Variants in NSD1 observed in about 807,000 individuals in gnomAD.
NSD1 encodes the protein nuclear receptor binding SET domain protein 1.
Under a neutral mutation model 242.7 loss-of-function variants are expected in NSD1, and 26 were observed. That is an observed-to-expected ratio of 0.11 (90% CI 0.08 to 0.15). The LOEUF (loss-of-function observed/expected upper bound fraction) is 0.15, where lower values mean the gene tolerates loss of function less well. Ranked by LOEUF, NSD1 falls within the 10% of genes least tolerant of loss-of-function variation. The pLI, the probability that NSD1 is intolerant of heterozygous loss-of-function variation, is 1.00. For missense variants in NSD1, 2,495 were observed against 3,272.8 expected, an observed-to-expected ratio of 0.76 and a Z score of 5.80; for synonymous variants, 1,106 against 1,178.1, an observed-to-expected ratio of 0.94 and a Z score of 1.25.
chr5:177,133,688 G>A (rs1404910845), upstream of NSD1: 1 of 148,970 alleles, frequency 6.7e-6, no homozygotes, highest in African/African-American at 2.4e-5. This position sits in a 1 kb window ranked among gnomAD's most constrained non-coding sequence, Gnocchi z 6.2. Context: ...CGCGCACTCG[G>A]GGCCCAGCCG....
At chr5:177,260,260 C>T in intron 14 of NSD1, 92 bp downstream of exon 14, 5 of 1,222,700 alleles carry the variant, frequency 4.1e-6, no homozygotes, top group Non-Finnish European at 5.8e-6. Context: ...CATATTGCCA[C>T]TGGAAAAAAT....
At chr5:177,176,425 CT>C (rs537202358) in intron 2 of NSD1, among the ~76,000 whole-genome samples, 294 of 138,258 alleles carry the variant, frequency 2.1e-3, no homozygotes, top group Middle Eastern at 3.8e-3. Flanking sequence ...CCTGGCTATT[CT>C]TTTTTTTTTT....
At chr5:177,145,639 G>A (rs565309333) in intron 2 of NSD1, among the ~76,000 whole-genome samples, 3 of 152,226 alleles carry the variant, frequency 2.0e-5, no homozygotes, top group Admixed American at 1.3e-4. Flanking sequence ...CAGGCTGGGC[G>A]TGGTGGCTCA....
chr5:177,186,193 A>AGG (rs1165090388), intron 2 of NSD1, among the ~76,000 whole-genome samples: 1 of 143,416 alleles, frequency 7.0e-6, no homozygotes, highest in South Asian at 2.1e-4. Context: ...TGGGAGCCTG[A>AGG]GGGGGAAGGA....
chr5:177,289,984 T>C lies in NSD1; in HGVS notation c.6258+1059T>C, dbSNP rs532447902. 1.3e-3 allele frequency among the ~76,000 whole-genome samples: 195 copies of C among 151,538 alleles called. 1 individual carries two copies. Among genetic ancestry groups the C allele is most frequent in the Non-Finnish European group, 1.1e-3 (74 of 67,858 alleles). On this transcript the variant is annotated intron_variant, in intron 21 of 22. Coordinates refer to ENST00000439151, the MANE Select transcript of NSD1 (RefSeq NM_022455.5). ...CTGGAACTACAGGCGCCCGCCACCATGCCCGGCTAATTTTTTATATTTTTA... is the reference window on the plus strand; with the variant it reads ...CTGGAACTACAGGCGCCCGCCACCACGCCCGGCTAATTTTTTATATTTTTA...
intron 3 of NSD1, among the ~76,000 whole-genome samples, chr5:177,192,273 C>G (rs777339231): frequency 2.6e-5 from 4 of 151,534 alleles, no homozygotes; most frequent in Non-Finnish European, 4.4e-5. Context: ...TGTAGTGGTG[C>G]AATCTCAGCT....
intron 5 of NSD1, among the ~76,000 whole-genome samples, chr5:177,230,914 A>G (rs1345761708): frequency 6.6e-6 from 1 of 151,934 alleles, no homozygotes; most frequent in Non-Finnish European, 1.5e-5. Flanking sequence ...TAGGATTGAG[A>G]TCCAATTTGT....
At chr5:177,167,395 C>T (rs1176289670) in intron 2 of NSD1, among the ~76,000 whole-genome samples, 17 of 152,142 alleles carry the variant, frequency 1.1e-4, no homozygotes, top group African/African-American at 4.1e-4. Flanking sequence ...ATTAGCCAGG[C>T]TTGGTGGCGC....
In NSD1 at chr5:177,295,525, T is replaced by C; in HGVS notation, c.*66T>C. On this transcript the variant is annotated 3_prime_UTR_variant, in exon 23 of 23. Coordinates refer to ENST00000439151, the MANE Select transcript of NSD1 (RefSeq NM_022455.5). The surrounding 1 kb of genome is among the most constrained non-coding windows in gnomAD (Gnocchi z 4.3). ...GTACCATTTGGGGAGGGGAAATCTT[T>C]TCTTTCTTTCCCCCTTAAAAAAAAA... 6.7e-7 allele frequency: 1 copy of C among 1,499,578 alleles called. No homozygotes were observed. 92.9% of individuals were successfully genotyped at this position (1,499,578 alleles called of 1,614,324 possible).
intron 2 of NSD1, among the ~76,000 whole-genome samples, chr5:177,139,292 C>T (rs542288869): frequency 5.4e-4 from 81 of 149,470 alleles, no homozygotes; most frequent in Non-Finnish European, 1.0e-3. Flanking sequence ...GGTGAAACCC[C>T]GTCTCTACTA....
intron 3 of NSD1, among the ~76,000 whole-genome samples, chr5:177,198,439 C>T (rs1762265581): frequency 6.6e-6 from 1 of 152,060 alleles, no homozygotes; most frequent in African/African-American, 2.4e-5. Context: ...GTTGCTGTGT[C>T]GTCATTTGGC....
intron 2 of NSD1, 127 bp downstream of exon 2, chr5:177,136,157 C>A: frequency 1.2e-6 from 1 of 836,104 alleles, no homozygotes; most frequent in South Asian, 1.6e-5. Flanking sequence ...TATTGCTAAT[C>A]ATAAGCTTTG....
At chr5:177,141,319 CTTTTTTTTTTTTTTTT>C (rs567992731) in intron 2 of NSD1, among the ~76,000 whole-genome samples, 4 of 97,034 alleles carry the variant, frequency 4.1e-5, no homozygotes, top group South Asian at 3.1e-4. Context: ...CGCGCGCAGC[CTTTTTTTTTTTTTTTT>C]TTTTTTTTTT....
chr5:177,235,024 C>G (rs889408214), intron 5 of NSD1, among the ~76,000 whole-genome samples: 3 of 152,156 alleles, frequency 2.0e-5, no homozygotes, highest in African/African-American at 7.2e-5. Context: ...CTTAGCTACC[C>G]TGAACACACA....
At chr5:177,149,260 C>T (rs370295172) in intron 2 of NSD1, among the ~76,000 whole-genome samples, 1 of 151,888 alleles carries the variant, frequency 6.6e-6, no homozygotes, top group East Asian at 1.9e-4. Context: ...CTCTTGTTGC[C>T]CAGACTGGAG....
chr5:177,213,550 C>T (rs1340905906), intron 5 of NSD1, among the ~76,000 whole-genome samples: 4 of 152,178 alleles, frequency 2.6e-5, no homozygotes, highest in Admixed American at 2.0e-4. Flanking sequence ...TCACTGCAGG[C>T]TCCGCCTCCC....
intron 2 of NSD1, among the ~76,000 whole-genome samples, chr5:177,146,391 A>C: frequency 6.6e-6 from 1 of 151,616 alleles, no homozygotes; most frequent in South Asian, 2.1e-4. Flanking sequence ...TTTTTAGTAG[A>C]GACGGTGTTT....
In NSD1 at chr5:177,211,998, G is replaced by A. The variant is rs753389957; in HGVS notation, c.3599G>A (p.Arg1200Gln). The change falls in exon 5 of 23, where the codon CGG becomes CAG. Residue 1200 changes from arginine (R) to glutamine (Q), a missense_variant. By Grantham distance (43) the Arg-to-Gln change is conservative. This residue lies in a region of NSD1 where 426 missense variants were observed against 411.4 expected (regional missense o/e 1.04). Transcript: ENST00000439151. Reference sequence around the variant, plus strand: ...CCTAGTGACCCTGTGCAGGAGGGGCGGGATGAGTTTCCAGAGCATAGAACT... The same window carrying A: ...CCTAGTGACCCTGTGCAGGAGGGGCAGGATGAGTTTCCAGAGCATAGAACT... Reference protein sequence around the residue: ...LLPSDPVQEGRDEFPEHRTPS... With the variant: ...LLPSDPVQEGQDEFPEHRTPS... 1.3e-5 allele frequency: 21 copies of A among 1,613,638 alleles called. No individual in the cohort carries two copies. The highest frequency in any genetic ancestry group is 2.2e-5 in the South Asian group (2 of 91,074).
Position 177,244,212 on chromosome 5 carries a change from C to T in NSD1, c.4320C>T (p.His1440=). The T allele has an allele frequency of 1.9e-6, 3 of 1,613,066 alleles. No homozygotes were observed. The highest frequency in any genetic ancestry group is 2.5e-6 in the Non-Finnish European group (3 of 1,179,352). ...ATTTATAGTGCTATGAAGCTGGTCA[C>T]CTGGAGAATGGCATAACTGAATCTT... ...GLSKKCYEAG[H]LENGITESCA... Residue 1440 remains histidine, a synonymous_variant, in exon 9 of 23, where the codon CAC becomes CAT. Coordinates refer to ENST00000439151, the MANE Select transcript of NSD1 (RefSeq NM_022455.5).
Sources: gnomAD v4.1 joint callset for allele counts (sites outside exome capture counted in the v4.1 genomes callset) on GRCh38, gnomAD v4.1.1 for gene constraint, gnomAD v4.1.1 regional missense constraint, Gnocchi (gnomAD v3.1) non-coding constraint, MANE v1.5 for transcripts, NCBI Gene and HGNC (gene_info 2026-07-23, HGNC 2026-07-21) for gene names.